Variants in IL22RA2 observed in about 807,000 individuals in gnomAD.
IL22RA2 encodes the protein interleukin-22 receptor subunit alpha-2.
Under a neutral mutation model 30.7 loss-of-function variants are expected in IL22RA2, and 39 were observed. That is an observed-to-expected ratio of 1.27 (90% CI 0.98 to 1.66). The LOEUF (loss-of-function observed/expected upper bound fraction) is 1.66, where lower values mean the gene tolerates loss of function less well. Ranked by LOEUF, IL22RA2 falls within the 40% of genes most tolerant of loss-of-function variation. IL22RA2 has a pLI of 0.00. For synonymous variants in IL22RA2, 103 were observed against 105.0 expected, an observed-to-expected ratio of 0.98 and a Z score of 0.11; for missense variants, 315 against 312.7, an observed-to-expected ratio of 1.01 and a Z score of -0.05.
chr6:137,162,450 T>G (rs937746171), intron 1 of IL22RA2, among the ~76,000 whole-genome samples: 2 of 152,182 alleles, frequency 1.3e-5, no homozygotes, highest in African/African-American at 4.8e-5. Context: ...TCACACCCAG[T>G]TTCCAGTGAG....
intron 1 of IL22RA2, among the ~76,000 whole-genome samples, chr6:137,164,517 G>C (rs1387193212): frequency 5.9e-5 from 9 of 152,206 alleles, no homozygotes; most frequent in Admixed American, 5.9e-4. Flanking sequence ...TGTCCTACAG[G>C]CCCCGCCTGA....
chr6:137,152,120 G>A (rs906853564), intron 5 of IL22RA2, among the ~76,000 whole-genome samples: 1 of 152,046 alleles, frequency 6.6e-6, no homozygotes, highest in African/African-American at 2.4e-5. Flanking sequence ...GGCTGAGGTG[G>A]AAGGATTGCT....
At chr6:137,157,682 C>A (rs191759861) in intron 3 of IL22RA2, among the ~76,000 whole-genome samples, 80 of 150,852 alleles carry the variant, frequency 5.3e-4, no homozygotes, top group African/African-American at 1.7e-3. Context: ...ACCCCCCTCA[C>A]CCCCCCAGAA....
intron 4 of IL22RA2, among the ~76,000 whole-genome samples, chr6:137,156,155 T>TCAGCAA (rs1317009234): frequency 1.3e-5 from 2 of 152,204 alleles, no homozygotes; most frequent in Non-Finnish European, 2.9e-5. Context: ...AGTGGTTGAC[T>TCAGCAA]CAGCCTGAGG....
intron 1 of IL22RA2, among the ~76,000 whole-genome samples, chr6:137,163,965 C>T (rs375450638): frequency 2.6e-4 from 40 of 152,256 alleles, no homozygotes; most frequent in African/African-American, 8.7e-4. Context: ...GGACCAGCTC[C>T]ACAGCTGCAG....
chr6:137,169,242 A>G (rs2114399171), intron 1 of IL22RA2, among the ~76,000 whole-genome samples: 1 of 152,376 alleles, frequency 6.6e-6, no homozygotes, highest in African/African-American at 2.4e-5. Context: ...ATCTGAGAAC[A>G]GAACACAATG....
At chr6:137,150,479 G>C (rs896335374) in intron 5 of IL22RA2, among the ~76,000 whole-genome samples, 1 of 114,020 alleles carries the variant, frequency 8.8e-6, no homozygotes, top group Admixed American at 8.9e-5. Flanking sequence ...TTTCTTTTCT[G>C]ATTTTTTTTT....
intron 5 of IL22RA2, among the ~76,000 whole-genome samples, chr6:137,151,431 T>A (rs1306403403): frequency 3.3e-5 from 5 of 152,196 alleles, no homozygotes; most frequent in Non-Finnish European, 5.9e-5. Flanking sequence ...CAGACTTAAC[T>A]GTGAGAGATA....
rs186340718 is a variant in IL22RA2, at chr6:137,149,134, A to T, written c.473-1243T>A. Among the ~76,000 whole-genome samples the T allele has an allele frequency of 1.3e-4, 20 of 152,200 alleles. No individual in the cohort carries two copies. In the East Asian group the frequency reaches 3.7e-3, roughly 28 times the overall value. ...TCAGTCTCCTTTTAAGATTTTTCTT[A>T]CTCAGGCATCTTTGGGTGAAAGTCC... On this transcript the variant is annotated intron_variant, in intron 5 of 6. Transcript: ENST00000296980.
Position 137,145,442 on chromosome 6 carries a change from A to G in IL22RA2, c.*182T>C. The G allele has an allele frequency of 2.0e-6, 1 of 510,866 alleles. No individual in the cohort carries two copies. The highest frequency in any genetic ancestry group is 3.4e-5 in the South Asian group (1 of 29,776). 31.6% of individuals were successfully genotyped at this position (510,866 alleles called of 1,614,324 possible). ...TTCGGGGGGAATGTCGTTCAAATAT[A>G]GTTTACAAATGAAATATAAAGGATA... On this transcript the variant is annotated 3_prime_UTR_variant, in exon 7 of 7. Transcript: ENST00000296980.
At chr6:137,168,583 G>C (rs115627009) in intron 1 of IL22RA2, among the ~76,000 whole-genome samples, 255 of 152,276 alleles carry the variant, frequency 1.7e-3, no homozygotes, top group African/African-American at 5.6e-3. Flanking sequence ...GAAAAAGAGT[G>C]CCCTGATTGT....
Position 137,155,135 on chromosome 6 carries a change from G to T in IL22RA2, c.294-16C>A. The T allele has an allele frequency of 1.3e-6, 2 of 1,506,494 alleles. No homozygotes were observed. Among genetic ancestry groups the T allele is most frequent in the Non-Finnish European group, 8.9e-7 (1 of 1,127,384 alleles). The allele number at this position is 1,506,494 out of a possible 1,614,324, so 93.3% of individuals were successfully genotyped here. A position where few individuals can be genotyped will look rare whatever the true frequency, so the allele number is the denominator to read the frequency against. On this transcript the variant is annotated splice_polypyrimidine_tract_variant and intron_variant, in intron 4 of 6. Transcript: ENST00000296980. ...CTGTCCATATCTGTAGCAGGGAAAA[G>T]GCAAAGATCTGAGTTTCTTTTCTCC...
chr6:137,167,106 T>C (rs1778641522), intron 1 of IL22RA2, among the ~76,000 whole-genome samples: 1 of 152,266 alleles, frequency 6.6e-6, no homozygotes, highest in Non-Finnish European at 1.5e-5. Context: ...AGATTTCGAC[T>C]GCCTCTAACT....
At chr6:137,156,368 C>T (rs1051721151) in intron 4 of IL22RA2, among the ~76,000 whole-genome samples, 12 of 152,266 alleles carry the variant, frequency 7.9e-5, no homozygotes, top group African/African-American at 1.2e-4. Flanking sequence ...TATCTATACT[C>T]GGTAATCTAC....
At position 137,159,328 on chromosome 6, in the gene IL22RA2, CT is replaced by C. The variant is rs200244080; in HGVS notation, c.62-847del. ...CAGAAGGAGGAGTCAAGAAGCATAT[CT>C]TTTTTTTTTGGATGGAGTTTCACTC... On this transcript the variant is annotated intron_variant, in intron 2 of 6. Coordinates refer to ENST00000296980, the MANE Select transcript of IL22RA2 (RefSeq NM_052962.3). Among the ~76,000 whole-genome samples the C allele has an allele frequency of 1.1e-3, 159 of 149,288 alleles. 2 individuals carry two copies. The highest frequency in any genetic ancestry group is 1.7e-3 in the South Asian group (8 of 4,684).
intron 4 of IL22RA2, among the ~76,000 whole-genome samples, chr6:137,156,155 T>C (rs1032337343): frequency 6.6e-6 from 1 of 152,204 alleles, no homozygotes; most frequent in African/African-American, 2.4e-5. Context: ...AGTGGTTGAC[T>C]CAGCCTGAGG....
chr6:137,154,963 C>A lies in IL22RA2; in HGVS notation c.450G>T (p.Pro150=), dbSNP rs757590508. The A allele has an allele frequency of 1.2e-6, 2 of 1,613,974 alleles. No homozygotes were observed. The highest frequency in any genetic ancestry group is 2.7e-5 in the African/African-American group (2 of 74,906). The change falls in exon 5 of 7, where the codon CCG becomes CCT. Residue 150 remains proline (P), a synonymous_variant. Coordinates refer to ENST00000296980, the MANE Select transcript of IL22RA2 (RefSeq NM_052962.3). Reference sequence around the variant, plus strand: ...CACTTTCCCACCAGGGAGTGAACCGCGGCGTCATGCTCCATTCTGAGTAGC... The same window carrying A: ...CACTTTCCCACCAGGGAGTGAACCGAGGCGTCATGCTCCATTCTGAGTAGC... ...AGSYSEWSMT[P]RFTPWWETKI...
rs28385692 is a variant in IL22RA2, at chr6:137,161,703, A to G, written c.47T>C (p.Leu16Pro). The change falls in exon 2 of 7, where the codon CTT (leucine) becomes CCT (proline). Residue 16 changes from leucine to proline, a missense_variant. By Grantham distance (98) the Leu-to-Pro change is moderately conservative. Coordinates refer to ENST00000296980, the MANE Select transcript of IL22RA2 (RefSeq NM_052962.3). ...CFLGFLISFF[L>P]TGVAGTQSTH... ...AAAGCACTTACCTGCTACACCAGTA[A>G]GGAAGAAACTGATGAGGAAGCCTAG... 50,563 of 1,613,256 alleles carry G rather than the reference A, an allele frequency of 0.031. 981 individuals carry two copies. Among genetic ancestry groups the G allele is most frequent in the Middle Eastern group, 0.064 (388 of 6,060 alleles).
At position 137,145,786 on chromosome 6, in the gene IL22RA2, G is replaced by A. The variant is rs777205685; in HGVS notation, c.643-13C>T. On this transcript the variant is annotated splice_polypyrimidine_tract_variant and intron_variant, in intron 6 of 6. Transcript: ENST00000296980. The stretch of plus-strand genomic sequence containing the variant: ...AAACCTTTTGCTCCTACACACGAGA[G>A]AGAAAATAATCAGTTGGTAAATGGC... 1 of 1,613,496 alleles carries A rather than the reference G, an allele frequency of 6.2e-7. No homozygotes were observed. The highest frequency in any genetic ancestry group is 8.5e-7 in the Non-Finnish European group (1 of 1,179,830).
Sources: gnomAD v4.1 joint callset for allele counts (sites outside exome capture counted in the v4.1 genomes callset) on GRCh38, gnomAD v4.1.1 for gene constraint, MANE v1.5 for transcripts, NCBI Gene and HGNC (gene_info 2026-07-23, HGNC 2026-07-21) for gene names.